The following DNHD1 variants were observed in gnomAD, a reference collection of about 807,000 sequenced individuals.
The protein encoded by DNHD1 is dynein heavy chain domain-containing protein 1.
Under a neutral mutation model 458.1 loss-of-function variants are expected in DNHD1, and 383 were observed. The observed-to-expected ratio is 0.84, with a 90% CI of 0.77 to 0.91. The LOEUF is 0.91. Ranked by LOEUF, DNHD1 falls within the 40% of genes least tolerant of loss-of-function variation. DNHD1 has a pLI of 0.00. For missense variants in DNHD1, 5,336 were observed against 5,866.1 expected, an observed-to-expected ratio of 0.91 and a Z score of 2.95; for synonymous variants, 2,203 against 2,376.9, an observed-to-expected ratio of 0.93 and a Z score of 2.13.
In DNHD1 at chr11:6,498,483, C is replaced by G. The variant is rs1324958336; in HGVS notation, c.268C>G (p.Leu90Val). The change falls in exon 3 of 43, where the codon CTA (leucine) becomes GTA (valine). Residue 90 changes from leucine (L) to valine (V), a missense_variant. Physicochemically the swap from Leu to Val is conservative, Grantham distance 32 (BLOSUM62 1). This residue lies in a region of DNHD1 where 3,932 missense variants were observed against 4,365.6 expected (regional missense o/e 0.90). Transcript: ENST00000254579. ...AWRYLHAVLG[L>V]LPPYRELLVG... is the part of the protein sequence containing the mutation. ...GCGCTATCTTCATGCAGTACTGGGTCTACTGCCTCCATATCGTGAGTTGCT... is the reference window on the plus strand; with the variant it reads ...GCGCTATCTTCATGCAGTACTGGGTGTACTGCCTCCATATCGTGAGTTGCT... The G allele has an allele frequency of 1.2e-6, 2 of 1,614,092 alleles. No homozygotes were observed. Among genetic ancestry groups the G allele is most frequent in the African/African-American group, 2.7e-5 (2 of 74,936 alleles).
intron 24 of DNHD1, among the ~76,000 whole-genome samples, chr11:6,551,444 A>G (rs1224116729): frequency 2.6e-5 from 4 of 152,210 alleles, no homozygotes; most frequent in African/African-American, 9.6e-5. Flanking sequence ...ATTAAAAGGA[A>G]ATCAATAATA....
Position 6,558,664 on chromosome 11 carries a change from A to G in DNHD1, c.9182A>G (p.Glu3061Gly). ...GCCAAGGTGGCCCAGCATCACCTGG[A>G]GGGTGCTCAGAGTGTGCCCCTTGAT... is the stretch of plus-strand genomic sequence containing the variant. ...ALAKVAQHHL[E>G]GAQSVPLDDG... Residue 3061 changes from glutamate to glycine, a missense_variant, in exon 26 of 43, where the codon GAG becomes GGG. Glu to Gly is a moderately conservative substitution (Grantham distance 98). Transcript: ENST00000254579. 1 of 1,551,066 alleles carries G rather than the reference A, an allele frequency of 6.4e-7. No individual in the cohort carries two copies. The highest frequency in any genetic ancestry group is 8.7e-7 in the Non-Finnish European group (1 of 1,146,992).
chr11:6,546,097 C>G lies in DNHD1; in HGVS notation c.5158C>G (p.Gln1720Glu). The G allele has an allele frequency of 6.4e-7, 1 of 1,551,586 alleles. No homozygotes were observed. The highest frequency in any genetic ancestry group is 8.7e-7 in the Non-Finnish European group (1 of 1,146,842). Residue 1720 changes from glutamine (Q) to glutamate (E), a missense_variant, in exon 21 of 43, where the codon CAA (glutamine) becomes GAA (glutamate). This residue lies in a region of DNHD1 where 3,932 missense variants were observed against 4,365.6 expected (regional missense o/e 0.90). Transcript: ENST00000254579. ...MLPCSPQIEA[Q>E]CLSNYLNGAL... ...ACCCTGCTCACCTCAGATAGAGGCT[C>G]AATGCCTGAGCAACTATCTGAATGG...
chr11:6,557,541 T>C lies in DNHD1; in HGVS notation c.8246T>C (p.Leu2749Pro). 2.6e-6 allele frequency: 4 copies of C among 1,551,636 alleles called. No individual in the cohort carries two copies. In the Middle Eastern group the frequency reaches 6.7e-4, roughly 259 times the overall value. ...ARVSNSRDPSLTPSIGPVSRG... is the reference protein window; with the variant it reads ...ARVSNSRDPSPTPSIGPVSRG... ...GTCTCAAACTCCAGAGATCCAAGTC[T>C]AACACCATCCATAGGACCAGTAAGC... Residue 2749 changes from leucine to proline, a missense_variant, in exon 25 of 43, where the codon CTA becomes CCA. Physicochemically the swap from Leu to Pro is moderately conservative, Grantham distance 98. Around this residue, in one of 4 missense-constraint regions of DNHD1, gnomAD observed 3,932 missense variants for 4,365.6 expected, o/e 0.90. Transcript: ENST00000254579.
At chr11:6,502,731 C>G (rs1852163055) in intron 3 of DNHD1, 22 bp from the exon 4 acceptor site, 1 of 1,559,432 alleles carries the variant, frequency 6.4e-7, no homozygotes, top group South Asian at 1.2e-5. Flanking sequence ...TGCCTTTTCT[C>G]TCCTGATTTT....
Position 6,508,861 on chromosome 11 carries a change from C to T in DNHD1, c.921-19C>T. On this transcript the variant is annotated intron_variant, in intron 4 of 42. Coordinates refer to ENST00000254579, the MANE Select transcript of DNHD1 (RefSeq NM_144666.3). ...CCACGTTCCCAGGGCCTTCACTGAT[C>T]AGAGCTCTTTTTTTAAAGGCCTTAC... 1.9e-6 allele frequency: 3 copies of T among 1,613,284 alleles called. No individual in the cohort carries two copies. Among genetic ancestry groups the T allele is most frequent in the Non-Finnish European group, 2.5e-6 (3 of 1,179,788 alleles).
Position 6,533,710 on chromosome 11 carries a change from G to C in DNHD1, c.2535G>C (p.Glu845Asp). Reference protein sequence around the residue: ...KLNEANEQYVELEERMEYVRA... With the variant: ...KLNEANEQYVDLEERMEYVRA... ...ATGAAGCCAATGAACAGTACGTCGA[G>C]CTGGAGGAGCGAATGGAATACGTAC... Residue 845 changes from glutamate (E) to aspartate (D), a missense_variant, in exon 14 of 43, where the codon GAG becomes GAC. Glu to Asp is a conservative substitution (Grantham distance 45). Transcript: ENST00000254579. 6.4e-7 allele frequency: 1 copy of C among 1,551,158 alleles called. No homozygotes were observed. Among genetic ancestry groups the C allele is most frequent in the Non-Finnish European group, 8.7e-7 (1 of 1,146,680 alleles).
intron 4 of DNHD1, among the ~76,000 whole-genome samples, chr11:6,507,749 G>T (rs2723618): frequency 0.036 from 5,445 of 152,222 alleles, 328 homozygotes; most frequent in African/African-American, 0.12. Context: ...AGGTAACTTT[G>T]GTTTTAAATC....
chr11:6,539,464 C>T (rs1333681321), intron 17 of DNHD1, 151 bp downstream of exon 17: 2 of 172,054 alleles, frequency 1.2e-5, no homozygotes, highest in Non-Finnish European at 2.3e-5. Flanking sequence ...CTTTAAGTCT[C>T]CAGATGGGGA....
intron 14 of DNHD1, among the ~76,000 whole-genome samples, chr11:6,537,913 A>G (rs1481355865): frequency 6.6e-6 from 1 of 152,116 alleles, no homozygotes; most frequent in African/African-American, 2.4e-5. Flanking sequence ...CCCAGGTAAC[A>G]GTGCAAGACT....
intron 6 of DNHD1, among the ~76,000 whole-genome samples, 195 bp from the exon 7 acceptor site, chr11:6,511,078 G>T (rs1468703351): frequency 6.6e-6 from 1 of 152,192 alleles, no homozygotes; most frequent in East Asian, 1.9e-4. Flanking sequence ...TTGTATAGCT[G>T]AGAAAGCAGC....
chr11:6,521,520 A>G (rs1852603926), intron 10 of DNHD1, among the ~76,000 whole-genome samples: 2 of 152,222 alleles, frequency 1.3e-5, no homozygotes, highest in Admixed American at 1.3e-4. Flanking sequence ...TAATGCTTGT[A>G]TCTTACCTTC....
At position 6,502,871 on chromosome 11, in the gene DNHD1, T is replaced by A; in HGVS notation, c.865T>A (p.Tyr289Asn). 6.2e-7 allele frequency: 1 copy of A among 1,613,692 alleles called. No individual in the cohort carries two copies. The highest frequency in any genetic ancestry group is 1.1e-5 in the South Asian group (1 of 90,930). The change falls in exon 4 of 43, where the codon TAC becomes AAC. Residue 289 changes from tyrosine (Y) to asparagine (N), a missense_variant. By Grantham distance (143) the Tyr-to-Asn change is moderately radical. Around this residue, in one of 4 missense-constraint regions of DNHD1, gnomAD observed 3,932 missense variants for 4,365.6 expected, o/e 0.90. Coordinates refer to ENST00000254579, the MANE Select transcript of DNHD1 (RefSeq NM_144666.3). ...GATGACTGCTCTGAAGATGGAGAGATACCTGAAGAAGATCCACTTCCTCTA... is the reference window on the plus strand; with the variant it reads ...GATGACTGCTCTGAAGATGGAGAGAAACCTGAAGAAGATCCACTTCCTCTA... ...QVMTALKMERYLKKIHFLYLN... is the reference protein window; with the variant it reads ...QVMTALKMERNLKKIHFLYLN...
In DNHD1 at chr11:6,557,048, C is replaced by T. The variant is rs1485555931; in HGVS notation, c.7753C>T (p.Pro2585Ser). The change falls in exon 25 of 43, where the codon CCA becomes TCA. Residue 2585 changes from proline to serine, a missense_variant. By Grantham distance (74) the Pro-to-Ser change is moderately conservative (BLOSUM62 -1). Around this residue, in one of 4 missense-constraint regions of DNHD1, gnomAD observed 3,932 missense variants for 4,365.6 expected, o/e 0.90. Coordinates refer to ENST00000254579, the MANE Select transcript of DNHD1 (RefSeq NM_144666.3). ...TTGCTTCATGCCTTCACCCCTCCAC[C>T]CACACTACCACTTCTCCCTACACTC... ...CNCFMPSPLHPHYHFSLHSVS... is the reference protein window; with the variant it reads ...CNCFMPSPLHSHYHFSLHSVS... 5 of 1,551,618 alleles carry T rather than the reference C, an allele frequency of 3.2e-6. No homozygotes were observed. The African/African-American group carries it at 4.1e-5, about 13-fold the overall frequency.
intron 3 of DNHD1, 152 bp from the exon 4 acceptor site, chr11:6,502,601 T>A: frequency 1.7e-6 from 1 of 577,234 alleles, no homozygotes; most frequent in Non-Finnish European, 2.9e-6. Flanking sequence ...TATCTTTGAG[T>A]ATAGATGGTA....
At chr11:6,513,718 G>A (rs1406959624) in intron 7 of DNHD1, among the ~76,000 whole-genome samples, 1 of 152,042 alleles carries the variant, frequency 6.6e-6, no homozygotes, top group Non-Finnish European at 1.5e-5. Context: ...TATTTTTTTG[G>A]GATATATATG....
chr11:6,502,744 G>C lies in DNHD1; in HGVS notation c.747-9G>C. The C allele has an allele frequency of 1.3e-6, 2 of 1,566,582 alleles. No individual in the cohort carries two copies. Among genetic ancestry groups the C allele is most frequent in the Non-Finnish European group, 1.7e-6 (2 of 1,158,610 alleles). ...TCTGCCTTTTCTCTCCTGATTTTCT[G>C]TCACACAGGTCTCAGCTTGACTATG... On this transcript the variant is annotated splice_polypyrimidine_tract_variant and intron_variant, in intron 3 of 42. Coordinates refer to ENST00000254579, the MANE Select transcript of DNHD1 (RefSeq NM_144666.3).
intron 12 of DNHD1, 74 bp downstream of exon 12, chr11:6,529,195 G>A (rs1289729953): frequency 2.0e-6 from 3 of 1,507,196 alleles, no homozygotes; most frequent in Non-Finnish European, 1.8e-6. Context: ...CTTGGTCCTG[G>A]AATGTCCTCC....
In DNHD1 at chr11:6,563,514, A is replaced by G. The variant is rs1423286942; in HGVS notation, c.9802A>G (p.Thr3268Ala). ...DAMCDLFHHE[T>A]GWASAKQLLC... ...AATGTGTGACTTGTTCCACCATGAA[A>G]CAGGCTGGGCCAGTGCCAAACAGCT... Residue 3268 changes from threonine (T) to alanine (A), a missense_variant, in exon 30 of 43, where the codon ACA becomes GCA. By Grantham distance (58) the Thr-to-Ala change is moderately conservative. Coordinates refer to ENST00000254579, the MANE Select transcript of DNHD1 (RefSeq NM_144666.3). 17 of 1,551,702 alleles carry G rather than the reference A, an allele frequency of 1.1e-5. No homozygotes were observed. The highest frequency in any genetic ancestry group is 1.5e-5 in the Non-Finnish European group (17 of 1,146,986).
Sources: gnomAD v4.1 joint callset for allele counts (sites outside exome capture counted in the v4.1 genomes callset) on GRCh38, gnomAD v4.1.1 for gene constraint, gnomAD v4.1.1 regional missense constraint, MANE v1.5 for transcripts, NCBI Gene and HGNC (gene_info 2026-07-23, HGNC 2026-07-21) for gene names.